UNC79: variants seen among roughly 807,000 people sequenced by gnomAD.
UNC79 encodes unc-79 subunit of NALCN channel complex, also known as protein unc-79 homolog.
In UNC79, 37 loss-of-function variants were observed where a neutral mutation model predicts 283.1. The ratio of observed to expected loss-of-function variants is 0.13; its 90% CI spans 0.10 to 0.17. The LOEUF (loss-of-function observed/expected upper bound fraction) is 0.17. Ranked by LOEUF, UNC79 falls within the 10% of genes least tolerant of loss-of-function variation. The probability of loss-of-function intolerance (pLI) is 1.00; values close to 1 mark genes in which losing one functional copy is unlikely to be tolerated. For synonymous variants in UNC79, 1,107 were observed against 1,200.2 expected (o/e 0.92, Z 1.61); for missense variants, 2,272 against 3,211.1 (o/e 0.71, Z 7.07).
At chr14:93,504,751 A>G (rs1170531911) in intron 7 of UNC79, among the ~76,000 whole-genome samples, 1 of 152,018 alleles carries the variant, frequency 6.6e-6, no homozygotes, top group East Asian at 1.9e-4. Flanking sequence ...TTATTATGGT[A>G]GTCTTGCTTA....
intron 38 of UNC79, among the ~76,000 whole-genome samples, chr14:93,656,425 C>T (rs752129590): frequency 5.3e-5 from 8 of 151,354 alleles, no homozygotes; most frequent in South Asian, 2.1e-4. Context: ...GGGAGCATGG[C>T]GAGACCTCGT....
At chr14:93,601,731 G>C (rs191805525) in intron 25 of UNC79, among the ~76,000 whole-genome samples, 1 of 152,280 alleles carries the variant, frequency 6.6e-6, no homozygotes, top group Admixed American at 6.5e-5. Context: ...CAGTGTAAAA[G>C]TGTTCCCTTT....
intron 9 of UNC79, 101 bp downstream of exon 9, chr14:93,528,747 T>A: frequency 9.1e-7 from 1 of 1,103,800 alleles, no homozygotes; most frequent in Non-Finnish European, 1.3e-6. Context: ...AGTTTCTCTC[T>A]AGCCTCTCTG....
At chr14:93,370,643 A>C (rs1442307228) in intron 1 of UNC79, among the ~76,000 whole-genome samples, 1 of 152,064 alleles carries the variant, frequency 6.6e-6, no homozygotes, top group Non-Finnish European at 1.5e-5. Flanking sequence ...GTGGTGGTAC[A>C]TGCCTGTAGT....
chr14:93,691,517 G>A, intron 45 of UNC79: 1 of 582,306 alleles, frequency 1.7e-6, no homozygotes, highest in East Asian at 2.8e-5. Flanking sequence ...AAATTAAGGT[G>A]CCTTCTCTTA....
At chr14:93,356,531 CTCTG>C in intron 1 of UNC79, among the ~76,000 whole-genome samples, 1 of 152,212 alleles carries the variant, frequency 6.6e-6, no homozygotes, top group Non-Finnish European at 1.5e-5. Flanking sequence ...CTCTCTTGAT[CTCTG>C]TATTTCACCA....
chr14:93,649,999 A>G (rs2070069217), intron 35 of UNC79, among the ~76,000 whole-genome samples: 1 of 152,176 alleles, frequency 6.6e-6, no homozygotes, highest in Non-Finnish European at 1.5e-5. Context: ...CATAGAGGCA[A>G]ACACTGTTGT....
chr14:93,449,618 T>TAAAAAA (rs755543140), intron 1 of UNC79, among the ~76,000 whole-genome samples: 1 of 136,644 alleles, frequency 7.3e-6, no homozygotes, highest in East Asian at 2.1e-4. Context: ...ACCTTGTCTC[T>TAAAAAA]AAAAAAAAAA....
rs771799694 is a variant in UNC79 at position 93,686,668 on chromosome 14, T to C, written c.6909+7T>C. 3.7e-6 allele frequency: 6 copies of C among 1,614,016 alleles called. No individual in the cohort carries two copies. The East Asian group carries it at 1.1e-4, about 30-fold the overall frequency. ...CACGCTGACCAAACTGAAGGTGAGATGACCGCCACCTGCTCATCCCTCAGG... is the reference window on the plus strand; with the variant it reads ...CACGCTGACCAAACTGAAGGTGAGACGACCGCCACCTGCTCATCCCTCAGG... On this transcript the variant is annotated splice_region_variant and intron_variant, in intron 43 of 48. Transcript: ENST00000555664.
intron 46 of UNC79, 112 bp downstream of exon 49, chr14:93,692,058 G>A: frequency 8.0e-7 from 1 of 1,244,646 alleles, no homozygotes; most frequent in Non-Finnish European, 1.1e-6. Context: ...TTATATAAAT[G>A]GATCGGGGAT....
chr14:93,549,244 T>C lies in UNC79; in HGVS notation c.1755+6548T>C, dbSNP rs75862688. Among the ~76,000 whole-genome samples, 39 of 152,306 alleles carry C rather than the reference T, an allele frequency of 2.6e-4. 1 individual carries two copies. The East Asian group carries it at 6.9e-3, about 27-fold the overall frequency. On this transcript the variant is annotated intron_variant, in intron 14 of 48. Transcript: ENST00000555664. Reference sequence around the variant, plus strand: ...TGAAAACTACATCTAAGCAGAAACATTATAAAACACAATTACTGTTGCTAT... The same window carrying C: ...TGAAAACTACATCTAAGCAGAAACACTATAAAACACAATTACTGTTGCTAT...
chr14:93,466,967 G>C (rs1254883060), intron 1 of UNC79: 1 of 948,708 alleles, frequency 1.1e-6, no homozygotes, highest in Non-Finnish European at 1.3e-6. Flanking sequence ...GGGCAGCCAA[G>C]CTCAGAAAGC....
intron 1 of UNC79, among the ~76,000 whole-genome samples, chr14:93,385,209 A>G (rs916975746): frequency 1.3e-5 from 2 of 152,144 alleles, no homozygotes; most frequent in Non-Finnish European, 2.9e-5. Flanking sequence ...TGTGAAGACT[A>G]TCATTGGTAT....
intron 14 of UNC79, among the ~76,000 whole-genome samples, chr14:93,557,075 C>T (rs1272413376): frequency 1.3e-5 from 2 of 152,210 alleles, no homozygotes; most frequent in African/African-American, 2.4e-5. Flanking sequence ...CAGAGAAGGA[C>T]ATCCTTAAGT....
At chr14:93,573,659 C>T (rs2141631328) in intron 16 of UNC79, among the ~76,000 whole-genome samples, 1 of 152,224 alleles carries the variant, frequency 6.6e-6, no homozygotes, top group Admixed American at 6.5e-5. Context: ...CTTTTCGAAA[C>T]TAAAGAGCAA....
chr14:93,493,891 ATATATATATATTTT>A (rs2058867618), intron 5 of UNC79, among the ~76,000 whole-genome samples: 2 of 64,224 alleles, frequency 3.1e-5, no homozygotes, highest in Non-Finnish European at 6.4e-5. Context: ...ATATATATAT[ATATATATATATTTT>A]TTTTTTTTTT....
intron 7 of UNC79, among the ~76,000 whole-genome samples, chr14:93,519,295 T>G (rs931911175): frequency 4.6e-5 from 7 of 151,916 alleles, no homozygotes; most frequent in African/African-American, 1.4e-4. Flanking sequence ...GATATTAATA[T>G]AGACACTCAA....
At chr14:93,383,396 A>T (rs1429354108) in intron 1 of UNC79, among the ~76,000 whole-genome samples, 1 of 152,236 alleles carries the variant, frequency 6.6e-6, no homozygotes, top group African/African-American at 2.4e-5. Context: ...TGTGGGTTCC[A>T]TTCCAGACCC....
At chr14:93,561,629 G>C (rs2141439051) in intron 14 of UNC79, among the ~76,000 whole-genome samples, 1 of 152,210 alleles carries the variant, frequency 6.6e-6, no homozygotes, top group East Asian at 1.9e-4. Context: ...GCTGGGGAGA[G>C]GTAGAGGGTG....
Sources: gnomAD v4.1 joint callset for allele counts (sites outside exome capture counted in the v4.1 genomes callset) on GRCh38, gnomAD v4.1.1 for gene constraint, MANE v1.5 for transcripts, NCBI Gene and HGNC (gene_info 2026-07-23, HGNC 2026-07-21) for gene names.